Variants in KCNJ12 observed in about 807,000 individuals in gnomAD.
The protein encoded by KCNJ12 is potassium inwardly rectifying channel subfamily J member 12, also known as ATP-sensitive inward rectifier potassium channel 12.
KCNJ12 carries 2 observed loss-of-function variants against 22.3 expected under a neutral mutation model. The observed-to-expected ratio is 0.09, with a 90% CI of 0.04 to 0.28. KCNJ12 has a LOEUF of 0.28. Ranked by LOEUF, KCNJ12 falls within the 10% of genes least tolerant of loss-of-function variation. KCNJ12 has a pLI of 1.00. For missense variants in KCNJ12, 155 were observed against 633.3 expected (o/e 0.24, Z 8.11); for synonymous variants, 117 against 261.4 (o/e 0.45, Z 5.33).
chr17:21,411,211 G>T (rs1304727367), intron 2 of KCNJ12, among the ~76,000 whole-genome samples: 1 of 152,306 alleles, frequency 6.6e-6, no homozygotes, highest in Non-Finnish European at 1.5e-5. Flanking sequence ...CCATCCGGAA[G>T]CACCTCCCGG....
chr17:21,378,750 C>T (rs1252164949), intron 1 of KCNJ12, among the ~76,000 whole-genome samples: 2 of 152,044 alleles, frequency 1.3e-5, no homozygotes, highest in African/African-American at 2.4e-5. Context: ...ATGGCTGACA[C>T]CCCTCATCCC....
chr17:21,415,018 G>A, intron 2 of KCNJ12, among the ~76,000 whole-genome samples: 1 of 152,308 alleles, frequency 6.6e-6, no homozygotes. Flanking sequence ...GTGGGAGAAG[G>A]GGTCGGATCC....
At chr17:21,403,141 T>C (rs1905728575) in intron 1 of KCNJ12, among the ~76,000 whole-genome samples, 2 of 152,312 alleles carry the variant, frequency 1.3e-5, no homozygotes, top group South Asian at 2.1e-4. Flanking sequence ...GCTTGGAGGA[T>C]GCATTGCATT....
chr17:21,393,566 G>C (rs1180395872), intron 1 of KCNJ12, among the ~76,000 whole-genome samples: 1 of 152,310 alleles, frequency 6.6e-6, no homozygotes, highest in Non-Finnish European at 1.5e-5. Flanking sequence ...CCCCCCGTGC[G>C]GGTTGAGCTG....
At chr17:21,387,989 C>T (rs1199642329) in intron 1 of KCNJ12, among the ~76,000 whole-genome samples, 1 of 152,158 alleles carries the variant, frequency 6.6e-6, no homozygotes, top group African/African-American at 2.4e-5. Context: ...TTCCACTCCT[C>T]CCCCACTGCT....
intron 1 of KCNJ12, among the ~76,000 whole-genome samples, chr17:21,384,018 C>T (rs945686819): frequency 6.6e-6 from 1 of 152,096 alleles, no homozygotes; most frequent in Non-Finnish European, 1.5e-5. Flanking sequence ...CCCCCACCCC[C>T]AGAGTTTCTT....
chr17:21,376,985 A>G lies in KCNJ12; in HGVS notation c.-179+72A>G, dbSNP rs1904680740. On this transcript the variant is annotated intron_variant, in intron 1 of 2. Transcript: ENST00000583088. The surrounding 1 kb of genome is among the most constrained non-coding windows in gnomAD (Gnocchi z 5.3). ...AGTTCCCCGCAGGCCGCGCCTCGCC[A>G]CTAGCCCGGCCCGGAGCTAGCACGA... The G allele has an allele frequency of 6.6e-6, 1 of 152,212 alleles. No homozygotes were observed. The highest frequency in any genetic ancestry group is 2.4e-5 in the African/African-American group (1 of 41,564). 9.4% of individuals were successfully genotyped at this position (152,212 alleles called of 1,614,324 possible). A position where few individuals can be genotyped will look rare whatever the true frequency, so the allele number is the denominator to read the frequency against.
chr17:21,378,363 G>A (rs1486767709), intron 1 of KCNJ12, among the ~76,000 whole-genome samples: 1 of 152,212 alleles, frequency 6.6e-6, no homozygotes, highest in African/African-American at 2.4e-5. Flanking sequence ...GAGCCCCTCA[G>A]TGTCTGCTGG....
intron 1 of KCNJ12, among the ~76,000 whole-genome samples, chr17:21,396,478 T>C (rs563014639): frequency 6.6e-6 from 1 of 152,212 alleles, no homozygotes; most frequent in Non-Finnish European, 1.5e-5. Context: ...TCCAAGGGGC[T>C]GTCAGTGCCC....
At chr17:21,405,731 C>T in intron 1 of KCNJ12, among the ~76,000 whole-genome samples, 1 of 152,288 alleles carries the variant, frequency 6.6e-6, no homozygotes, top group East Asian at 1.9e-4. Context: ...TGACCATAAC[C>T]CCGGGAAGCA....
intron 1 of KCNJ12, among the ~76,000 whole-genome samples, chr17:21,397,471 G>A (rs1382186076): frequency 2.6e-5 from 4 of 152,210 alleles, no homozygotes; most frequent in African/African-American, 9.7e-5. Flanking sequence ...AATAGCACGC[G>A]ATGTTTTCGA....
chr17:21,405,801 G>T (rs1387825838), intron 1 of KCNJ12, among the ~76,000 whole-genome samples: 15 of 152,422 alleles, frequency 9.8e-5, no homozygotes, highest in African/African-American at 3.6e-4. Flanking sequence ...GCAGGTGGCG[G>T]GAGCTCTGGC....
At position 21,417,360 on chromosome 17, in the gene KCNJ12, TC is replaced by T. The variant is rs1906908458; in HGVS notation, c.*717del. 6.0e-6 allele frequency: 1 copy of T among 167,028 alleles called. No individual in the cohort carries two copies. Among genetic ancestry groups the T allele is most frequent in the African/African-American group, 2.4e-5 (1 of 41,444 alleles). 10.3% of individuals were successfully genotyped at this position (167,028 alleles called of 1,614,324 possible). ...ATGTTAATGATCGTAATAAAAGCTT[TC>T]TACTGTCGTTGGGGTGGTGGGTGGG... On this transcript the variant is annotated 3_prime_UTR_variant, in exon 3 of 3. Coordinates refer to ENST00000583088, the MANE Select transcript of KCNJ12 (RefSeq NM_021012.5).
chr17:21,384,917 C>T (rs1373277218), intron 1 of KCNJ12, among the ~76,000 whole-genome samples: 2 of 152,014 alleles, frequency 1.3e-5, no homozygotes, highest in African/African-American at 4.8e-5. Context: ...GGACTATAGG[C>T]ACCCACCACC....
intron 1 of KCNJ12, among the ~76,000 whole-genome samples, chr17:21,392,037 G>T (rs930259174): frequency 6.6e-6 from 1 of 152,208 alleles, no homozygotes; most frequent in Non-Finnish European, 1.5e-5. Context: ...AGGTAGAACC[G>T]GCTGACTTAT....
intron 2 of KCNJ12, among the ~76,000 whole-genome samples, chr17:21,411,290 C>T (rs1386272666): frequency 1.3e-5 from 2 of 152,312 alleles, no homozygotes; most frequent in Non-Finnish European, 2.9e-5. Flanking sequence ...AAGCTCCCAG[C>T]CCAGGTCCTG....
chr17:21,396,925 G>A (rs1401721514), intron 1 of KCNJ12, among the ~76,000 whole-genome samples: 1 of 152,310 alleles, frequency 6.6e-6, no homozygotes, highest in East Asian at 1.9e-4. Flanking sequence ...CATCGTTCAA[G>A]GGGGTCTCCC....
chr17:21,380,482 T>A (rs1235751524), intron 1 of KCNJ12, among the ~76,000 whole-genome samples: 1 of 152,140 alleles, frequency 6.6e-6, no homozygotes, highest in Non-Finnish European at 1.5e-5. Context: ...GAGAGGCAGA[T>A]GTTGCCACCA....
At chr17:21,385,918 C>T (rs1905056216) in intron 1 of KCNJ12, among the ~76,000 whole-genome samples, 1 of 152,234 alleles carries the variant, frequency 6.6e-6, no homozygotes. Context: ...GAAATGGGAA[C>T]ACTAGAGAAA....
Sources: gnomAD v4.1 joint callset for allele counts (sites outside exome capture counted in the v4.1 genomes callset) on GRCh38, gnomAD v4.1.1 for gene constraint, Gnocchi (gnomAD v3.1) non-coding constraint, MANE v1.5 for transcripts, NCBI Gene and HGNC (gene_info 2026-07-23, HGNC 2026-07-21) for gene names.